The following DAB1 variants were observed in gnomAD, a reference collection of about 807,000 sequenced individuals.
DAB1 encodes the protein disabled homolog 1.
DAB1 carries 15 observed loss-of-function variants against 64.6 expected under a neutral mutation model. The observed-to-expected ratio is 0.23, with a 90% confidence interval of 0.16 to 0.36. The LOEUF (loss-of-function observed/expected upper bound fraction) is 0.36. Ranked by LOEUF, DAB1 falls within the 10% of genes least tolerant of loss-of-function variation. DAB1 has a pLI of 1.00. For synonymous variants in DAB1, 235 were observed against 251.9 expected (o/e 0.93, Z 0.64); for missense variants, 596 against 706.7 (o/e 0.84, Z 1.78).
chr1:57,927,654 T>C (rs907882292), intron 5 of DAB1, among the ~76,000 whole-genome samples: 1 of 152,238 alleles, frequency 6.6e-6, no homozygotes, highest in Non-Finnish European at 1.5e-5. Flanking sequence ...TTCTGATTTA[T>C]AGCGACTTGT....
rs146597869 is a variant in DAB1, at chr1:57,976,826, T to A, written n.388-92664A>T. On this transcript the variant is annotated intron_variant and non_coding_transcript_variant, in intron 5 of 20. Coordinates refer to the DAB1 transcript ENST00000485760. ...CTAATGCCTCTCTTTGCCTCACTCA[T>A]CACATGCAATTTGACATTAAGTCTT... Among the ~76,000 whole-genome samples the A allele has an allele frequency of 7.5e-4, 114 of 152,282 alleles. No individual in the cohort carries two copies. In the Middle Eastern group the frequency reaches 0.01, roughly 14 times the overall value.
At chr1:58,380,083 A>G (rs1288682469) in intron 3 of DAB1, among the ~76,000 whole-genome samples, 1 of 152,174 alleles carries the variant, frequency 6.6e-6, no homozygotes, top group Non-Finnish European at 1.5e-5. Flanking sequence ...CAACTATAGC[A>G]TCCTTGGATG....
intron 2 of DAB1, among the ~76,000 whole-genome samples, chr1:58,506,945 T>A (rs902630290): frequency 1.3e-5 from 2 of 152,078 alleles, no homozygotes; most frequent in African/African-American, 4.8e-5. Flanking sequence ...TATGTACAAT[T>A]CCATCATACA....
intron 2 of DAB1, among the ~76,000 whole-genome samples, chr1:57,226,663 T>TAAAAAAAG (rs145134472): frequency 1.2e-4 from 14 of 120,988 alleles, no homozygotes; most frequent in African/African-American, 4.6e-4. Context: ...CAAAAGTGGT[T>TAAAAAAAG]AAAAAAAAAA....
chr1:58,515,085 C>T (rs1258214011), intron 2 of DAB1, among the ~76,000 whole-genome samples: 1 of 152,206 alleles, frequency 6.6e-6, no homozygotes, highest in African/African-American at 2.4e-5. Context: ...GTCTCACATA[C>T]CTCCACAGGT....
At chr1:58,536,017 T>C (rs1419138937) in intron 1 of DAB1, among the ~76,000 whole-genome samples, 1 of 152,066 alleles carries the variant, frequency 6.6e-6, no homozygotes, top group Non-Finnish European at 1.5e-5. Context: ...CCTGCCCCCA[T>C]GAAGCTTAGT....
At chr1:57,951,047 G>A (rs769476984) in intron 5 of DAB1, among the ~76,000 whole-genome samples, 46 of 152,092 alleles carry the variant, frequency 3.0e-4, no homozygotes, top group Non-Finnish European at 4.4e-5. Context: ...ACGCTACTCT[G>A]ATCAGGAGAG....
intron 4 of DAB1, among the ~76,000 whole-genome samples, chr1:58,222,436 TC>T (rs1259301611): frequency 3.9e-5 from 6 of 152,198 alleles, no homozygotes; most frequent in African/African-American, 1.2e-4. Flanking sequence ...GCACTAACAA[TC>T]CATCCCTTTC....
chr1:58,151,182 A>G (rs1654915347), intron 4 of DAB1, among the ~76,000 whole-genome samples: 1 of 152,186 alleles, frequency 6.6e-6, no homozygotes, highest in East Asian at 1.9e-4. Flanking sequence ...TAGCAGCATG[A>G]TTTATAATCC....
chr1:57,485,240 C>A (rs1220055572), intron 7 of DAB1, among the ~76,000 whole-genome samples: 5 of 152,036 alleles, frequency 3.3e-5, no homozygotes, highest in Non-Finnish European at 5.9e-5. Flanking sequence ...TACCCTGGGT[C>A]CCCAAGTGTC....
chr1:57,442,498 G>T (rs74075001), intron 7 of DAB1, among the ~76,000 whole-genome samples: 4,104 of 152,158 alleles, frequency 0.027, 157 homozygotes, highest in African/African-American at 0.092. Flanking sequence ...TAAGCATTAA[G>T]ACATTGGTAC....
intron 2 of DAB1, among the ~76,000 whole-genome samples, chr1:57,260,842 G>C (rs902349503): frequency 3.9e-5 from 6 of 152,160 alleles, no homozygotes; most frequent in Non-Finnish European, 1.5e-5. Context: ...AGCTCTTTCA[G>C]TCAGAAGGAG....
intron 1 of DAB1, among the ~76,000 whole-genome samples, chr1:57,411,139 T>A (rs1423242089): frequency 6.6e-6 from 1 of 152,224 alleles, no homozygotes; most frequent in Non-Finnish European, 1.5e-5. Flanking sequence ...CCCATTTTTT[T>A]ACAGATATAT....
intron 5 of DAB1, among the ~76,000 whole-genome samples, chr1:58,130,368 G>T (rs1377334505): frequency 6.7e-6 from 1 of 150,092 alleles, no homozygotes; most frequent in Non-Finnish European, 1.5e-5. Context: ...CGTGAGATGG[G>T]TTTCCTGAAT....
At chr1:57,076,331 G>A (rs1651989639) in intron 4 of DAB1, among the ~76,000 whole-genome samples, 1 of 152,162 alleles carries the variant, frequency 6.6e-6, no homozygotes, top group Non-Finnish European at 1.5e-5. Flanking sequence ...AACCGTTATT[G>A]TCTTGGGAAA....
At chr1:58,004,974 G>T (rs1487949082) in intron 5 of DAB1, among the ~76,000 whole-genome samples, 1 of 152,030 alleles carries the variant, frequency 6.6e-6, no homozygotes, top group Non-Finnish European at 1.5e-5. Context: ...AAACCTCTCA[G>T]CTACTAGTAA....
At chr1:58,458,739 G>A (rs1212573065) in intron 3 of DAB1, among the ~76,000 whole-genome samples, 1 of 152,116 alleles carries the variant, frequency 6.6e-6, no homozygotes, top group Non-Finnish European at 1.5e-5. Flanking sequence ...AGGAGGTGGA[G>A]GTTGCAGTGA....
At chr1:57,928,356 T>C (rs570314173) in intron 5 of DAB1, among the ~76,000 whole-genome samples, 1 of 152,252 alleles carries the variant, frequency 6.6e-6, no homozygotes, top group East Asian at 1.9e-4. Context: ...ATTTCCCGTA[T>C]ACTCTCCACC....
At chr1:58,014,093 G>C (rs994500130) in intron 5 of DAB1, among the ~76,000 whole-genome samples, 12 of 151,978 alleles carry the variant, frequency 7.9e-5, no homozygotes, top group Admixed American at 1.3e-4. Context: ...AGCTGTTACT[G>C]TGTTACTCCT....
Sources: gnomAD v4.1 joint callset for allele counts (sites outside exome capture counted in the v4.1 genomes callset) on GRCh38, gnomAD v4.1.1 for gene constraint, MANE v1.5 for transcripts, NCBI Gene and HGNC (gene_info 2026-07-23, HGNC 2026-07-21) for gene names.